NAA50: variants seen among roughly 807,000 people sequenced by gnomAD.
The protein encoded by NAA50 is N-alpha-acetyltransferase 50.
In NAA50, 7 loss-of-function variants were observed where a neutral mutation model predicts 20.7. The ratio of observed to expected loss-of-function variants is 0.34; its 90% confidence interval spans 0.19 to 0.63. The LOEUF is 0.63. NAA50 is among the 30% of genes least tolerant of loss of function. The pLI is 0.75. For synonymous variants in NAA50, 54 were observed against 70.6 expected, an observed-to-expected ratio of 0.77 and a Z score of 1.18; for missense variants, 111 against 199.1, an observed-to-expected ratio of 0.56 and a Z score of 2.66.
chr3:113,732,130 C>A (rs1476771635), intron 1 of NAA50, among the ~76,000 whole-genome samples: 1 of 152,164 alleles, frequency 6.6e-6, no homozygotes, highest in Non-Finnish European at 1.5e-5. Context: ...CATGGAAGAA[C>A]AGACTTTGCA....
rs1253762076 is a variant in NAA50 at position 113,716,458 on chromosome 3, T to C, written c.*5302A>G. 1 of 152,254 alleles carries C rather than the reference T, an allele frequency of 6.6e-6. No individual in the cohort carries two copies. Among genetic ancestry groups the C allele is most frequent in the Non-Finnish European group, 1.5e-5 (1 of 68,046 alleles). The allele number at this position is 152,254 out of a possible 1,614,324, so 9.4% of individuals were successfully genotyped here. On this transcript the variant is annotated 3_prime_UTR_variant, in exon 5 of 5. Transcript: ENST00000240922. The stretch of plus-strand genomic sequence containing the variant: ...TTTCACCTGCATAAGCAATTACACA[T>C]ATAGTACCTGACAGTTTTATTATAC...
chr3:113,734,696 G>C (rs1393133512), intron 1 of NAA50, among the ~76,000 whole-genome samples: 1 of 152,156 alleles, frequency 6.6e-6, no homozygotes, highest in Admixed American at 6.5e-5. Context: ...AGTTTATATA[G>C]AACAGAAATT....
At chr3:113,723,573 A>G (rs1255749084) in intron 2 of NAA50, 32 bp from the exon 3 acceptor site, 1 of 1,579,780 alleles carries the variant, frequency 6.3e-7, no homozygotes, top group African/African-American at 1.4e-5. Context: ...TATAATGTTG[A>G]ACAGACAGAA....
chr3:113,726,026 T>C lies in NAA50; in HGVS notation c.9-1931A>G, dbSNP rs566271202. ...ATCGTTTCTGTCATACTTAGCAGTTTTGAAAGGCTTAGCTCATTTGGAACT... is the reference window on the plus strand; with the variant it reads ...ATCGTTTCTGTCATACTTAGCAGTTCTGAAAGGCTTAGCTCATTTGGAACT... On this transcript the variant is annotated intron_variant, in intron 1 of 4. Transcript: ENST00000240922. Among the ~76,000 whole-genome samples the C allele has an allele frequency of 1.3e-3, 203 of 152,330 alleles. 1 individual carries two copies. The highest frequency in any genetic ancestry group is 4.7e-3 in the African/African-American group (194 of 41,596).
At chr3:113,741,519 G>A (rs1290100401) in intron 1 of NAA50, among the ~76,000 whole-genome samples, 2 of 152,246 alleles carry the variant, frequency 1.3e-5, no homozygotes, top group African/African-American at 4.8e-5. Flanking sequence ...AAAGAGTATC[G>A]CTTCAGATAT....
chr3:113,740,537 A>T (rs531315308), intron 1 of NAA50, among the ~76,000 whole-genome samples: 1 of 152,154 alleles, frequency 6.6e-6, no homozygotes, highest in African/African-American at 2.4e-5. Flanking sequence ...CCAGCTAATT[A>T]TGATTACTAT....
chr3:113,724,805 G>A (rs1013675604), intron 1 of NAA50, among the ~76,000 whole-genome samples: 4 of 152,092 alleles, frequency 2.6e-5, no homozygotes, highest in African/African-American at 9.7e-5. Context: ...TGCTGTTCTC[G>A]TGATAGTGAG....
chr3:113,729,755 AC>A (rs1708247770), intron 1 of NAA50, among the ~76,000 whole-genome samples: 1 of 151,618 alleles, frequency 6.6e-6, no homozygotes, highest in South Asian at 2.1e-4. Context: ...ACAGGATTTC[AC>A]CATGTTGCTC....
intron 1 of NAA50, among the ~76,000 whole-genome samples, chr3:113,735,899 T>C (rs1377722431): frequency 6.6e-6 from 1 of 152,184 alleles, no homozygotes; most frequent in Non-Finnish European, 1.5e-5. Context: ...GCCAGGCTGG[T>C]CTCCAACTGC....
intron 1 of NAA50, among the ~76,000 whole-genome samples, chr3:113,725,949 T>C (rs995173868): frequency 5.3e-5 from 8 of 152,152 alleles, no homozygotes; most frequent in African/African-American, 1.9e-4. Flanking sequence ...CAAGAGACTT[T>C]TACCCCCTAT....
chr3:113,724,165 G>A, intron 1 of NAA50, 70 bp from the exon 2 acceptor site: 2 of 1,345,012 alleles, frequency 1.5e-6, no homozygotes, highest in Non-Finnish European at 1.9e-6. Context: ...ATATGAAAGG[G>A]GTACCAAGTC....
rs1708102341 is a variant in NAA50 at position 113,719,330 on chromosome 3, C to T, written c.*2430G>A. ...TGCAACTAACATAGTGTAATTTTAA[C>T]CTATTTGCCCCACAGTAAAAACTAT... is the stretch of plus-strand genomic sequence containing the variant. On this transcript the variant is annotated 3_prime_UTR_variant, in exon 5 of 5. Coordinates refer to ENST00000240922, the MANE Select transcript of NAA50 (RefSeq NM_025146.4). 1.3e-5 allele frequency: 2 copies of T among 152,520 alleles called. 1 individual carries two copies. Among genetic ancestry groups the T allele is most frequent in the South Asian group, 4.1e-4 (2 of 4,830 alleles). 9.4% of individuals were successfully genotyped at this position (152,520 alleles called of 1,614,324 possible). A position where few individuals can be genotyped will look rare whatever the true frequency, so the allele number is the denominator to read the frequency against.
chr3:113,723,630 T>C, intron 2 of NAA50, 89 bp from the exon 3 acceptor site: 1 of 1,350,208 alleles, frequency 7.4e-7, no homozygotes. Context: ...ACTGTTCCTA[T>C]CAACATTAAA....
rs1708063806 is a variant in NAA50 at position 113,717,221 on chromosome 3, C to T, written c.*4539G>A. ...CGTGGTGGCATGCGCTTTCTAGTCG[C>T]AGCTACTTGGGAGGCTCAGGCAGAA... On this transcript the variant is annotated 3_prime_UTR_variant, in exon 5 of 5. Transcript: ENST00000240922. The T allele has an allele frequency of 6.6e-6, 1 of 152,164 alleles. No homozygotes were observed. The highest frequency in any genetic ancestry group is 1.5e-5 in the Non-Finnish European group (1 of 68,086). The allele number at this position is 152,164 out of a possible 1,614,324, so 9.4% of individuals were successfully genotyped here.
At chr3:113,744,502 G>T (rs1474053871) in intron 1 of NAA50, among the ~76,000 whole-genome samples, 2 of 151,768 alleles carry the variant, frequency 1.3e-5, no homozygotes, top group African/African-American at 4.8e-5. Flanking sequence ...AACAAAAGGA[G>T]TGCAGTATAG....
intron 1 of NAA50, 146 bp from the exon 2 acceptor site, chr3:113,724,241 G>T: frequency 1.2e-6 from 1 of 860,476 alleles, no homozygotes; most frequent in Non-Finnish European, 1.6e-6. Context: ...TCATTTATAA[G>T]CAAATTTTGA....
intron 1 of NAA50, among the ~76,000 whole-genome samples, chr3:113,730,456 GAAAA>G (rs533152807): frequency 0.029 from 4,023 of 140,242 alleles, 76 homozygotes; most frequent in Non-Finnish European, 0.046. Flanking sequence ...AAAAAAAAAA[GAAAA>G]AAAAAAACTT....
At chr3:113,744,716 T>C (rs967273319) in intron 1 of NAA50, among the ~76,000 whole-genome samples, 1 of 152,150 alleles carries the variant, frequency 6.6e-6, no homozygotes, top group Non-Finnish European at 1.5e-5. Flanking sequence ...GTACAAAACA[T>C]ACAATTCAAC....
At chr3:113,734,940 A>C (rs924007329) in intron 1 of NAA50, among the ~76,000 whole-genome samples, 3 of 152,258 alleles carry the variant, frequency 2.0e-5, no homozygotes, top group African/African-American at 7.2e-5. Flanking sequence ...ATGAGACTGA[A>C]GCAATGCTAA....
Sources: allele counts gnomAD v4.1 joint callset (sites outside exome capture counted in the v4.1 genomes callset), GRCh38; gene constraint gnomAD v4.1.1; transcripts MANE v1.5; gene names NCBI Gene and HGNC (gene_info 2026-07-23, HGNC 2026-07-21).